Variants in ZFPM2 observed in about 807,000 individuals in gnomAD.
The protein encoded by ZFPM2 is zinc finger protein, FOG family member 2.
In ZFPM2, 20 loss-of-function variants were observed where a neutral mutation model predicts 98.6. That is an observed-to-expected ratio of 0.20 (90% CI 0.14 to 0.29). The LOEUF is 0.29. Ranked by LOEUF, ZFPM2 falls within the 10% of genes least tolerant of loss-of-function variation. The pLI, the probability that ZFPM2 is intolerant of heterozygous loss-of-function variation, is 1.00. For missense variants in ZFPM2, 1,310 were observed against 1,388.6 expected (o/e 0.94, Z 0.90); for synonymous variants, 518 against 502.7 (o/e 1.03, Z -0.41).
chr8:105,617,279 A>G (rs1379162808), intron 4 of ZFPM2, among the ~76,000 whole-genome samples: 5 of 151,860 alleles, frequency 3.3e-5, no homozygotes, highest in African/African-American at 1.2e-4. Context: ...CCTCTGCACT[A>G]TTTCCACCCT....
chr8:105,464,173 C>T (rs1812753870), intron 3 of ZFPM2, among the ~76,000 whole-genome samples: 1 of 151,988 alleles, frequency 6.6e-6, no homozygotes, highest in Admixed American at 6.6e-5. Context: ...AGTTTTATGG[C>T]CCATCCAGAA....
At chr8:105,483,794 C>T (rs755551606) in intron 3 of ZFPM2, among the ~76,000 whole-genome samples, 1 of 149,058 alleles carries the variant, frequency 6.7e-6, no homozygotes, top group African/African-American at 2.5e-5. Flanking sequence ...TGTCCAGTGG[C>T]GCGATCTTGG....
intron 3 of ZFPM2, among the ~76,000 whole-genome samples, chr8:105,479,355 A>T (rs1813071442): frequency 6.6e-6 from 1 of 152,264 alleles, no homozygotes; most frequent in East Asian, 1.9e-4. Context: ...TTCCTAGTAA[A>T]CATTGTTTCT....
chr8:105,431,106 G>A (rs1053717860), intron 2 of ZFPM2, among the ~76,000 whole-genome samples: 1 of 151,672 alleles, frequency 6.6e-6, no homozygotes, highest in African/African-American at 2.4e-5. Flanking sequence ...CTGGGTTTCA[G>A]CATGTTTGTC....
In ZFPM2 at chr8:105,802,733, G is replaced by T. The variant is rs747995106; in HGVS notation, c.2651G>T (p.Arg884Leu). ...TTCTGCCCGGTTACTGCACATCAGC[G>T]TAATGACCTGGGTCAACTGGACGGC... ...QNFCPVTAHQ[R>L]NDLGQLDGKV... Residue 884 changes from arginine (R) to leucine (L), a missense_variant, in exon 8 of 8, where the codon CGT becomes CTT. By Grantham distance (102) the Arg-to-Leu change is moderately radical (BLOSUM62 -2). Transcript: ENST00000407775. 6.2e-7 allele frequency: 1 copy of T among 1,613,160 alleles called. No homozygotes were observed. The highest frequency in any genetic ancestry group is 2.2e-5 in the East Asian group (1 of 44,800).
intron 1 of ZFPM2, among the ~76,000 whole-genome samples, chr8:105,386,796 G>T (rs2129908191): frequency 6.6e-6 from 1 of 152,228 alleles, no homozygotes; most frequent in South Asian, 2.1e-4. Flanking sequence ...TTTTGACAGG[G>T]TGCTGATTGG....
chr8:105,756,130 T>C (rs1439425689), intron 5 of ZFPM2, among the ~76,000 whole-genome samples: 1 of 152,228 alleles, frequency 6.6e-6, no homozygotes, highest in Non-Finnish European at 1.5e-5. Flanking sequence ...TGTAGCCTTA[T>C]CTTTCCATTG....
intron 5 of ZFPM2, among the ~76,000 whole-genome samples, chr8:105,769,471 G>A (rs973992857): frequency 3.9e-5 from 6 of 151,930 alleles, no homozygotes; most frequent in East Asian, 1.9e-4. Context: ...CATAAGAATC[G>A]TGTCTTTTTC....
chr8:105,496,257 G>A (rs548023600), intron 3 of ZFPM2, among the ~76,000 whole-genome samples: 5 of 152,070 alleles, frequency 3.3e-5, no homozygotes, highest in South Asian at 4.1e-4. Flanking sequence ...AGCAATTCCC[G>A]TGCCTTGGCC....
At chr8:105,557,797 T>C (rs1055752157) in intron 3 of ZFPM2, among the ~76,000 whole-genome samples, 1 of 152,204 alleles carries the variant, frequency 6.6e-6, no homozygotes, top group Non-Finnish European at 1.5e-5. Context: ...TATTTCAGAA[T>C]ATCTAATCTT....
At chr8:105,330,629 TA>T (rs1812213919) in intron 1 of ZFPM2, among the ~76,000 whole-genome samples, 3 of 82,652 alleles carry the variant, frequency 3.6e-5, no homozygotes, top group Non-Finnish European at 5.2e-5. Context: ...TATATATATA[TA>T]TACATATATA....
At chr8:105,497,941 T>G (rs1387166697) in intron 3 of ZFPM2, among the ~76,000 whole-genome samples, 2 of 151,668 alleles carry the variant, frequency 1.3e-5, no homozygotes, top group Non-Finnish European at 2.9e-5. Flanking sequence ...AATCTCAGCA[T>G]TTTGGGAGGG....
chr8:105,564,546 T>C (rs1321425219), intron 4 of ZFPM2, among the ~76,000 whole-genome samples: 1 of 152,062 alleles, frequency 6.6e-6, no homozygotes, highest in Non-Finnish European at 1.5e-5. Flanking sequence ...AAAATGGAAA[T>C]AGATTAGCTC....
intron 1 of ZFPM2, among the ~76,000 whole-genome samples, chr8:105,416,909 A>C (rs1176820106): frequency 1.1e-4 from 17 of 151,762 alleles, no homozygotes; most frequent in African/African-American, 7.2e-5. Flanking sequence ...ACCATTTTCT[A>C]AGTTACCTAT....
At chr8:105,735,421 C>G (rs189582050) in intron 5 of ZFPM2, among the ~76,000 whole-genome samples, 4 of 151,616 alleles carry the variant, frequency 2.6e-5, no homozygotes, top group Admixed American at 2.6e-4. Context: ...GTATGTGAAA[C>G]AGATTTACTC....
chr8:105,372,874 G>A (rs1225801446), intron 1 of ZFPM2, among the ~76,000 whole-genome samples: 1 of 152,048 alleles, frequency 6.6e-6, no homozygotes, highest in African/African-American at 2.4e-5. Flanking sequence ...AAAGTTTCAC[G>A]ATAATGATAG....
chr8:105,619,529 ATTT>A (rs1816489685), intron 4 of ZFPM2, among the ~76,000 whole-genome samples: 1 of 151,988 alleles, frequency 6.6e-6, no homozygotes, highest in Non-Finnish European at 1.5e-5. Flanking sequence ...TTATTTTATG[ATTT>A]TTTAATTTTT....
intron 4 of ZFPM2, among the ~76,000 whole-genome samples, chr8:105,578,677 A>G (rs1245900645): frequency 6.6e-6 from 1 of 152,108 alleles, no homozygotes; most frequent in Non-Finnish European, 1.5e-5. Context: ...ATTAATATTA[A>G]TACTATCTTG....
At chr8:105,418,126 G>A (rs1811714879) in intron 1 of ZFPM2, among the ~76,000 whole-genome samples, 1 of 152,008 alleles carries the variant, frequency 6.6e-6, no homozygotes, top group Non-Finnish European at 1.5e-5. Flanking sequence ...TTAGGCCCTG[G>A]AAATTTCCTA....
Sources: allele counts gnomAD v4.1 joint callset (sites outside exome capture counted in the v4.1 genomes callset), GRCh38; gene constraint gnomAD v4.1.1; transcripts MANE v1.5; gene names NCBI Gene and HGNC (gene_info 2026-07-23, HGNC 2026-07-21).